SYK: variants seen among roughly 807,000 people sequenced by gnomAD.
The protein encoded by SYK is spleen associated tyrosine kinase, also known as tyrosine-protein kinase SYK.
A neutral mutation model predicts 77.8 loss-of-function variants in SYK; 16 were observed. The observed-to-expected ratio is 0.21, with a 90% CI of 0.14 to 0.31. SYK has a LOEUF of 0.31. Ranked by LOEUF, SYK falls within the 10% of genes least tolerant of loss-of-function variation. The pLI is 1.00. For missense variants in SYK, 529 were observed against 814.4 expected (o/e 0.65, Z 4.26); for synonymous variants, 312 against 308.7 (o/e 1.01, Z -0.11).
intron 1 of SYK, among the ~76,000 whole-genome samples, chr9:90,806,244 T>C (rs1824829040): frequency 6.6e-6 from 1 of 152,212 alleles, no homozygotes; most frequent in Non-Finnish European, 1.5e-5. Flanking sequence ...CAGTGTCAGA[T>C]ATACCAAGTA....
rs1413117740 is a variant in SYK, at chr9:90,895,310, A to T, written c.1836-218A>T. On this transcript the variant is annotated intron_variant, in intron 13 of 13. Transcript: ENST00000375754. The surrounding 1 kb of genome is among the most constrained non-coding windows in gnomAD (Gnocchi z 4.4). Reference sequence around the variant, plus strand: ...ACCGGGAGGTCTTGTTAAAGTGCAGATATGGGTTATTTAGGTCTACAGTAG... The same window carrying T: ...ACCGGGAGGTCTTGTTAAAGTGCAGTTATGGGTTATTTAGGTCTACAGTAG... 6.6e-6 allele frequency among the ~76,000 whole-genome samples: 1 copy of T among 152,186 alleles called. No individual in the cohort carries two copies. The highest frequency in any genetic ancestry group is 1.5e-5 in the Non-Finnish European group (1 of 68,036).
At chr9:90,868,694 G>A (rs899686875) in intron 7 of SYK, among the ~76,000 whole-genome samples, 38 of 152,132 alleles carry the variant, frequency 2.5e-4, no homozygotes, top group African/African-American at 7.5e-4. Context: ...AATTTTAAAA[G>A]CTTGATAACA....
chr9:90,855,537 C>T (rs184386048), intron 3 of SYK, among the ~76,000 whole-genome samples: 18 of 152,254 alleles, frequency 1.2e-4, no homozygotes, highest in Non-Finnish European at 5.9e-5. Flanking sequence ...TCTTCTAGTC[C>T]TTAGCTGCAT....
At chr9:90,837,454 C>T (rs888781373) in intron 1 of SYK, among the ~76,000 whole-genome samples, 2 of 152,052 alleles carry the variant, frequency 1.3e-5, no homozygotes, top group African/African-American at 4.8e-5. Flanking sequence ...TGATGCAACT[C>T]TCTGAGTAAA....
At chr9:90,873,248 TTC>T (rs1405099208) in intron 7 of SYK, among the ~76,000 whole-genome samples, 1 of 152,170 alleles carries the variant, frequency 6.6e-6, no homozygotes, top group East Asian at 1.9e-4. Context: ...TTCTGTAACT[TTC>T]TCCATAATCT....
chr9:90,845,180 T>C (rs1350650586), intron 2 of SYK, among the ~76,000 whole-genome samples: 1 of 152,144 alleles, frequency 6.6e-6, no homozygotes, highest in African/African-American at 2.4e-5. Flanking sequence ...AAGTGAACCA[T>C]CCTCCTTGGC....
chr9:90,875,591 A>G (rs773465653), intron 9 of SYK, among the ~76,000 whole-genome samples: 18 of 152,166 alleles, frequency 1.2e-4, no homozygotes, highest in Non-Finnish European at 2.1e-4. Context: ...TAGTTTTTAC[A>G]TTTATTTTCT....
intron 1 of SYK, among the ~76,000 whole-genome samples, chr9:90,802,489 T>G (rs530361962): frequency 2.0e-5 from 3 of 152,348 alleles, no homozygotes; most frequent in Non-Finnish European, 4.4e-5. Context: ...CATTGTCAAG[T>G]AATTTACTTA....
intron 11 of SYK, among the ~76,000 whole-genome samples, chr9:90,881,145 G>A (rs779333463): frequency 6.6e-6 from 1 of 152,198 alleles, no homozygotes; most frequent in Non-Finnish European, 1.5e-5. Context: ...GAGGAGAAGT[G>A]TCAAAGAGTC....
chr9:90,826,370 T>C (rs1271074560), intron 1 of SYK, among the ~76,000 whole-genome samples: 1 of 152,262 alleles, frequency 6.6e-6, no homozygotes, highest in Non-Finnish European at 1.5e-5. Context: ...AATAGCTGTT[T>C]TGCATTATCC....
rs1195421061 is a variant in SYK, at chr9:90,884,694, T to G, written c.1582-3055T>G. 2.7e-3 allele frequency among the ~76,000 whole-genome samples: 149 copies of G among 55,540 alleles called. 49 individuals are homozygous for G. The highest frequency in any genetic ancestry group is 3.7e-3 in the Non-Finnish European group (112 of 30,292). The allele number at this position is 55,540 out of a possible 152,430, so 36.4% of individuals were successfully genotyped here. The stretch of plus-strand genomic sequence containing the variant: ...GTACATATATACACATATACACATA[T>G]GTGTACATGTACATATACACATATA... On this transcript the variant is annotated intron_variant, in intron 11 of 13. Transcript: ENST00000375754.
rs150952568 is a variant in SYK, at chr9:90,850,258, C to T, written c.578+4664C>T. Among the ~76,000 whole-genome samples the T allele has an allele frequency of 5.3e-3, 802 of 152,316 alleles. 5 individuals carry two copies. The highest frequency in any genetic ancestry group is 0.018 in the African/African-American group (750 of 41,574). On this transcript the variant is annotated intron_variant, in intron 3 of 13. Transcript: ENST00000375754. Reference sequence around the variant, plus strand: ...TTTCGGCCGGGCATGGTGGCTCATGCCTGTAATCCCAGCACTTTGGGAGGC... The same window carrying T: ...TTTCGGCCGGGCATGGTGGCTCATGTCTGTAATCCCAGCACTTTGGGAGGC...
At chr9:90,890,298 C>CT (rs1218742026) in intron 13 of SYK, among the ~76,000 whole-genome samples, 1 of 152,170 alleles carries the variant, frequency 6.6e-6, no homozygotes, top group Non-Finnish European at 1.5e-5. Flanking sequence ...ATAGGGGCTG[C>CT]TGGGCCGACC....
In SYK at chr9:90,862,187, G is replaced by A. The variant is rs1286128776; in HGVS notation, c.579-19G>A. ...GACTGGCGGGCCTGGGGATGATGCA[G>A]TTCCATCCTCTCTTCTAGGATCCGA... is the stretch of plus-strand genomic sequence containing the variant. On this transcript the variant is annotated intron_variant, in intron 3 of 13. Coordinates refer to ENST00000375754, the MANE Select transcript of SYK (RefSeq NM_003177.7). 3 of 1,596,312 alleles carry A rather than the reference G, an allele frequency of 1.9e-6. No homozygotes were observed. Among genetic ancestry groups the A allele is most frequent in the Non-Finnish European group, 2.6e-6 (3 of 1,169,840 alleles).
chr9:90,837,505 C>T (rs55868338), intron 1 of SYK, among the ~76,000 whole-genome samples: 43,657 of 151,668 alleles, frequency 0.29, 6,514 homozygotes, highest in Middle Eastern at 0.38. Flanking sequence ...CAGGAGAGGC[C>T]TCAACCTGGA....
intron 1 of SYK, among the ~76,000 whole-genome samples, chr9:90,815,434 C>G (rs941296824): frequency 5.9e-5 from 9 of 152,230 alleles, no homozygotes; most frequent in Non-Finnish European, 1.2e-4. Flanking sequence ...TGGCCTGTCT[C>G]TGGAGTTCCT....
intron 13 of SYK, among the ~76,000 whole-genome samples, chr9:90,894,239 G>C (rs1029310581): frequency 1.3e-5 from 2 of 152,286 alleles, no homozygotes; most frequent in East Asian, 1.9e-4. Flanking sequence ...GACAGAGGCT[G>C]TCCCTCTGGG....
chr9:90,853,848 G>A lies in SYK; in HGVS notation c.578+8254G>A, dbSNP rs1035292062. On this transcript the variant is annotated intron_variant, in intron 3 of 13. Transcript: ENST00000375754. ...TAACTAACCTGCACATTGTGCACAT[G>A]TACCCTAAAACTTAAAGTATAATAA... Among the ~76,000 whole-genome samples the A allele has an allele frequency of 4.6e-5, 7 of 151,552 alleles. No individual in the cohort carries two copies. In the East Asian group the frequency reaches 9.7e-4, roughly 21 times the overall value.
At chr9:90,843,071 G>A (rs959694141) in intron 1 of SYK, among the ~76,000 whole-genome samples, 5 of 152,246 alleles carry the variant, frequency 3.3e-5, no homozygotes, top group East Asian at 3.9e-4. Context: ...GCTGGGAACC[G>A]GCACTATCTC....
Sources: allele counts gnomAD v4.1 joint callset (sites outside exome capture counted in the v4.1 genomes callset), GRCh38; gene constraint gnomAD v4.1.1; non-coding constraint Gnocchi (gnomAD v3.1); transcripts MANE v1.5; gene names NCBI Gene and HGNC (gene_info 2026-07-23, HGNC 2026-07-21).